ATPAF1: variants seen among roughly 807,000 people sequenced by gnomAD.
ATPAF1 encodes homolog of yeast ATP11.
ATPAF1 carries 26 observed loss-of-function variants against 43.9 expected under a neutral mutation model. That is an observed-to-expected ratio of 0.59 (90% confidence interval 0.43 to 0.82). The LOEUF is 0.82. Among genes scored for constraint, ATPAF1 ranks in the 40% least tolerant of loss-of-function variants. The probability of loss-of-function intolerance (pLI) is 0.00; values close to 1 mark genes in which losing one functional copy is unlikely to be tolerated. For missense variants in ATPAF1, 366 were observed against 435.0 expected, an observed-to-expected ratio of 0.84 and a Z score of 1.41; for synonymous variants, 157 against 168.0, an observed-to-expected ratio of 0.93 and a Z score of 0.50.
intron 8 of ATPAF1, among the ~76,000 whole-genome samples, chr1:46,638,123 A>C (rs1484870011): frequency 6.6e-6 from 1 of 152,174 alleles, no homozygotes; most frequent in Admixed American, 6.5e-5. Context: ...CTCTGACATC[A>C]ACTTTTATCT....
At chr1:46,657,285 A>G (rs1174987255) in intron 4 of ATPAF1, among the ~76,000 whole-genome samples, 5 of 152,206 alleles carry the variant, frequency 3.3e-5, no homozygotes, top group African/African-American at 1.2e-4. Context: ...ACTATAAAGA[A>G]TGCCAGAAAA....
At chr1:46,659,649 C>T (rs2148824961) in intron 2 of ATPAF1, among the ~76,000 whole-genome samples, 1 of 152,222 alleles carries the variant, frequency 6.6e-6, no homozygotes, top group East Asian at 1.9e-4. Flanking sequence ...GCTAGTAAAT[C>T]CTGTTTTGAG....
downstream of ATPAF1, chr1:46,633,235 T>A (rs1480639139): frequency 6.4e-6 from 1 of 157,308 alleles, no homozygotes; most frequent in South Asian, 1.9e-4. Flanking sequence ...TGAGATAAAG[T>A]TTGTTCTTTT....
chr1:46,652,555 C>A (rs1569617250), intron 6 of ATPAF1, 26 bp downstream of exon 6: 1 of 1,608,510 alleles, frequency 6.2e-7, no homozygotes, highest in East Asian at 2.2e-5. Flanking sequence ...TGATAAGCAA[C>A]CCTTACGTGA....
rs560461718 is a variant in ATPAF1 at position 46,654,702 on chromosome 1, C to G, written c.490-835G>C. Among the ~76,000 whole-genome samples, 19 of 152,078 alleles carry G rather than the reference C, an allele frequency of 1.2e-4. No individual in the cohort carries two copies. The East Asian group carries it at 3.1e-3, about 25-fold the overall frequency. ...ATATCCCTCCCCCAGCCCTCCACCC[C>G]CTGACAGGCCCCAGTGTGTGGTGTT... On this transcript the variant is annotated intron_variant, in intron 4 of 8. Coordinates refer to ENST00000574428, the Ensembl canonical transcript of ATPAF1.
At chr1:46,644,857 C>T (rs1472560088) in intron 7 of ATPAF1, among the ~76,000 whole-genome samples, 1 of 152,094 alleles carries the variant, frequency 6.6e-6, no homozygotes, top group Non-Finnish European at 1.5e-5. Flanking sequence ...AAAAGATAGC[C>T]ATCATAACTC....
At chr1:46,663,351 T>C (rs1676429912) in intron 2 of ATPAF1, among the ~76,000 whole-genome samples, 1 of 152,244 alleles carries the variant, frequency 6.6e-6, no homozygotes, top group African/African-American at 2.4e-5. Flanking sequence ...CCCTAAGGAA[T>C]CGCCACACTG....
intron 6 of ATPAF1, among the ~76,000 whole-genome samples, chr1:46,645,745 A>C (rs887477582): frequency 6.6e-6 from 1 of 152,244 alleles, no homozygotes; most frequent in African/African-American, 2.4e-5. Flanking sequence ...AAAGCATCAG[A>C]AATACAATTG....
At position 46,668,303 on chromosome 1, in the gene ATPAF1, G is replaced by GCCA; in HGVS notation, c.17_19dup (p.Val6dup). ...CGCCGGTCCCGCGCCACCCGCAGCC[G>GCCA]CCACCACCACAGCAGCCATGGCCGC... On this transcript the variant is annotated inframe_insertion, in exon 1 of 9. Transcript: ENST00000574428. The surrounding 1 kb of genome is among the most constrained non-coding windows in gnomAD (Gnocchi z 4.4). 1.4e-6 allele frequency: 2 copies of GCCA among 1,379,536 alleles called. No individual in the cohort carries two copies. Among genetic ancestry groups the GCCA allele is most frequent in the East Asian group, 3.3e-5 (1 of 30,628 alleles). 85.5% of individuals were successfully genotyped at this position (1,379,536 alleles called of 1,614,324 possible).
chr1:46,644,324 A>C (rs1482948902), intron 7 of ATPAF1, among the ~76,000 whole-genome samples: 1 of 152,194 alleles, frequency 6.6e-6, no homozygotes, highest in Non-Finnish European at 1.5e-5. Context: ...CTAACATCTG[A>C]GGCCACTTTC....
At chr1:46,636,107 G>A in intron 8 of ATPAF1, 137 bp from the exon 9 acceptor site, 1 of 918,326 alleles carries the variant, frequency 1.1e-6, no homozygotes, top group Non-Finnish European at 1.8e-6. Flanking sequence ...GAAGTCCCTA[G>A]TCTTGGTTAG....
chr1:46,649,927 A>AAAAAC (rs1404279632), intron 6 of ATPAF1, among the ~76,000 whole-genome samples: 5 of 152,188 alleles, frequency 3.3e-5, no homozygotes, highest in Admixed American at 6.5e-5. Flanking sequence ...TCCTGTCTCA[A>AAAAAC]AAAACAAAAC....
chr1:46,656,938 T>A (rs956374093), intron 4 of ATPAF1, among the ~76,000 whole-genome samples: 7 of 152,226 alleles, frequency 4.6e-5, no homozygotes, highest in African/African-American at 1.7e-4. Flanking sequence ...GAGTCTGACA[T>A]TTAATTGGTA....
At chr1:46,639,619 T>C (rs1675911493) in intron 8 of ATPAF1, among the ~76,000 whole-genome samples, 1 of 152,244 alleles carries the variant, frequency 6.6e-6, no homozygotes, top group African/African-American at 2.4e-5. Context: ...CATTTGACAT[T>C]AATGCTTTAC....
intron 6 of ATPAF1, 110 bp from the exon 7 acceptor site, chr1:46,645,366 A>AT (rs1484908025): frequency 4.7e-6 from 4 of 857,448 alleles, no homozygotes; most frequent in South Asian, 3.3e-5. Context: ...TTTTTAAAAT[A>AT]TTTTTTTATT....
At chr1:46,658,804 TGAAG>T in intron 2 of ATPAF1, 67 bp from the exon 3 acceptor site, 1 of 1,130,704 alleles carries the variant, frequency 8.8e-7, no homozygotes, top group Non-Finnish European at 1.3e-6. Flanking sequence ...CTAAGCTAGG[TGAAG>T]TACCCAATCT....
intron 2 of ATPAF1, among the ~76,000 whole-genome samples, chr1:46,661,650 G>A (rs1428041056): frequency 1.3e-5 from 2 of 152,192 alleles, no homozygotes; most frequent in Non-Finnish European, 1.5e-5. Context: ...TTTTATTTCA[G>A]GGTAGAAAAG....
chr1:46,633,916 GT>G (rs754854852), downstream of ATPAF1: 2 of 443,052 alleles, frequency 4.5e-6, no homozygotes, highest in East Asian at 7.0e-5. Context: ...CATTCAGAAG[GT>G]CAGAAGGCAT....
intron 8 of ATPAF1, among the ~76,000 whole-genome samples, 190 bp downstream of exon 8, chr1:46,643,002 AAT>A (rs749912794): frequency 3.3e-5 from 5 of 152,218 alleles, no homozygotes; most frequent in Non-Finnish European, 5.9e-5. Context: ...ATTGTGAATA[AAT>A]GATTGAGGAT....
Sources: gnomAD v4.1 joint callset for allele counts (sites outside exome capture counted in the v4.1 genomes callset) on GRCh38, gnomAD v4.1.1 for gene constraint, Gnocchi (gnomAD v3.1) non-coding constraint, MANE v1.5 for transcripts, NCBI Gene and HGNC (gene_info 2026-07-23, HGNC 2026-07-21) for gene names.